WDFY3: variants seen among roughly 807,000 people sequenced by gnomAD.
WDFY3 encodes the protein WD repeat and FYVE domain-containing protein 3.
Under a neutral mutation model 409.6 loss-of-function variants are expected in WDFY3, and 66 were observed. That is an observed-to-expected ratio of 0.16 (90% confidence interval 0.13 to 0.20). The LOEUF is 0.20. Among genes scored for constraint, WDFY3 ranks in the 10% least tolerant of loss-of-function variants. The pLI, the probability that WDFY3 is intolerant of heterozygous loss-of-function variation, is 1.00. For synonymous variants in WDFY3, 1,521 were observed against 1,537.1 expected, an observed-to-expected ratio of 0.99 and a Z score of 0.25; for missense variants, 3,031 against 4,298.1, an observed-to-expected ratio of 0.71 and a Z score of 8.24.
At chr4:84,784,005 C>T (rs1747036605) in intron 24 of WDFY3, among the ~76,000 whole-genome samples, 1 of 152,168 alleles carries the variant, frequency 6.6e-6, no homozygotes, top group Non-Finnish European at 1.5e-5. Flanking sequence ...GTCAAGCTCA[C>T]TGATGAGTTC....
intron 62 of WDFY3, among the ~76,000 whole-genome samples, chr4:84,687,438 C>A (rs747974873): frequency 1.3e-5 from 2 of 152,120 alleles, no homozygotes; most frequent in Non-Finnish European, 2.9e-5. Flanking sequence ...CCACCATGCC[C>A]GGCCAATTTC....
intron 61 of WDFY3, 107 bp from the exon 62 acceptor site, chr4:84,688,372 G>T: frequency 9.1e-7 from 1 of 1,104,934 alleles, no homozygotes; most frequent in Non-Finnish European, 1.3e-6. Context: ...ACGCATGCTA[G>T]GTAGTAGGTG....
intron 35 of WDFY3, among the ~76,000 whole-genome samples, chr4:84,753,243 GAAGA>G (rs1289079322): frequency 6.6e-6 from 1 of 152,136 alleles, no homozygotes; most frequent in East Asian, 1.9e-4. Flanking sequence ...AAGTCAGGCG[GAAGA>G]AAGGACCAAC....
chr4:84,931,553 G>C (rs934699484), intron 2 of WDFY3, among the ~76,000 whole-genome samples: 1 of 152,104 alleles, frequency 6.6e-6, no homozygotes, highest in African/African-American at 2.4e-5. Flanking sequence ...AGAGCCTGCG[G>C]GAAATCTGAT....
intron 32 of WDFY3, among the ~76,000 whole-genome samples, chr4:84,759,203 G>A (rs1330337263): frequency 6.6e-6 from 1 of 152,182 alleles, no homozygotes; most frequent in East Asian, 1.9e-4. Flanking sequence ...TTTGGTTACT[G>A]TAGCCTTGCA....
chr4:84,781,201 A>G (rs1281314687), intron 25 of WDFY3, among the ~76,000 whole-genome samples: 4 of 150,642 alleles, frequency 2.7e-5, no homozygotes, highest in Admixed American at 2.6e-4. Context: ...ATAGAAACAC[A>G]GTCCTGGAAC....
At chr4:84,769,689 T>C (rs1744304374) in intron 30 of WDFY3, among the ~76,000 whole-genome samples, 1 of 152,182 alleles carries the variant, frequency 6.6e-6, no homozygotes, top group South Asian at 2.1e-4. Context: ...CCCAAAGTGC[T>C]GGGATTACAG....
In WDFY3 at chr4:84,787,698, T is replaced by C; in HGVS notation, c.3685A>G (p.Ser1229Gly). The C allele has an allele frequency of 1.2e-6, 2 of 1,611,810 alleles. No individual in the cohort carries two copies. The highest frequency in any genetic ancestry group is 2.2e-5 in the South Asian group (2 of 91,024). Residue 1229 changes from serine (S) to glycine (G), a missense_variant, in exon 23 of 68, where the codon AGT becomes GGT. Transcript: ENST00000295888. The stretch of plus-strand genomic sequence containing the variant: ...GCCGAACCTGAACCCCCTGGAGTAC[T>C]GTGGACATAATGAAGCTGTAAGGAA... ...VNTVKLHYVH[S>G]TPGGSGSANP...
chr4:84,862,677 C>A (rs1473619552), intron 3 of WDFY3, among the ~76,000 whole-genome samples: 1 of 152,084 alleles, frequency 6.6e-6, no homozygotes, highest in Non-Finnish European at 1.5e-5. Flanking sequence ...TCATGATACT[C>A]CAACACTTCA....
rs180968445 is a variant in WDFY3 at position 84,698,958 on chromosome 4, A to G, written c.8597-2135T>C. 3.1e-3 allele frequency among the ~76,000 whole-genome samples: 465 copies of G among 152,154 alleles called. 3 individuals are homozygous for G. The highest frequency in any genetic ancestry group is 0.011 in the African/African-American group (446 of 41,514). On this transcript the variant is annotated intron_variant, in intron 56 of 67. Transcript: ENST00000295888. ...CCACCTCAGCTTCCCAAAGTCCTGGAACTACAGGCGTGAGCCACTGCGACC... is the reference window on the plus strand; with the variant it reads ...CCACCTCAGCTTCCCAAAGTCCTGGGACTACAGGCGTGAGCCACTGCGACC...
At chr4:84,829,272 T>A in intron 8 of WDFY3, 82 bp from the exon 9 acceptor site, 1 of 1,149,776 alleles carries the variant, frequency 8.7e-7, no homozygotes, top group Non-Finnish European at 1.2e-6. Flanking sequence ...TGTTGTTTAA[T>A]GAAACATTAA....
intron 36 of WDFY3, 75 bp from the exon 37 acceptor site, chr4:84,743,874 C>T: frequency 1.0e-6 from 1 of 962,536 alleles, no homozygotes; most frequent in Non-Finnish European, 1.4e-6. Flanking sequence ...TTTACATTAC[C>T]TAATATATTA....
intron 3 of WDFY3, among the ~76,000 whole-genome samples, chr4:84,864,212 C>CA (rs1350823878): frequency 1.3e-5 from 2 of 151,576 alleles, no homozygotes; most frequent in Non-Finnish European, 2.9e-5. Flanking sequence ...ACTAAAAATA[C>CA]AAAAAATTAG....
Position 84,808,204 on chromosome 4 carries a change from T to C in WDFY3, c.2429+130A>G, listed in dbSNP as rs552615614. On this transcript the variant is annotated intron_variant, in intron 15 of 67. Transcript: ENST00000295888. Reference sequence around the variant, plus strand: ...AAAACACCCCCCAAAACCCCAAAAGTAAAAACAAAACAAAACAAAACAAAA... The same window carrying C: ...AAAACACCCCCCAAAACCCCAAAAGCAAAAACAAAACAAAACAAAACAAAA... 5 of 777,358 alleles carry C rather than the reference T, an allele frequency of 6.4e-6. No homozygotes were observed. In the South Asian group the frequency reaches 8.9e-5, roughly 14 times the overall value. The allele number at this position is 777,358 out of a possible 1,614,324, so 48.2% of individuals were successfully genotyped here.
chr4:84,816,852 C>CA (rs1190652796), intron 13 of WDFY3, among the ~76,000 whole-genome samples: 2 of 151,998 alleles, frequency 1.3e-5, no homozygotes, highest in Non-Finnish European at 2.9e-5. Context: ...CTTAAGTGAA[C>CA]AAAATCCATG....
chr4:84,833,814 C>T (rs989520229), intron 7 of WDFY3, among the ~76,000 whole-genome samples: 9 of 152,090 alleles, frequency 5.9e-5, no homozygotes, highest in Non-Finnish European at 1.3e-4. Flanking sequence ...CTTCCTTTTC[C>T]TATTTCCCTC....
At chr4:84,740,063 C>T in intron 39 of WDFY3, 124 bp downstream of exon 39, 1 of 978,040 alleles carries the variant, frequency 1.0e-6, no homozygotes, top group Non-Finnish European at 1.5e-6. Flanking sequence ...TACCTTTTTA[C>T]ATAAAGGTTT....
chr4:84,810,305 T>C lies in WDFY3; in HGVS notation c.1927A>G (p.Thr643Ala), dbSNP rs1035352204. 1 of 1,612,604 alleles carries C rather than the reference T, an allele frequency of 6.2e-7. No individual in the cohort carries two copies. The highest frequency in any genetic ancestry group is 1.7e-5 in the Admixed American group (1 of 59,854). Residue 643 changes from threonine (T) to alanine (A), a missense_variant, in exon 14 of 68, where the codon ACA becomes GCA. Physicochemically the swap from Thr to Ala is moderately conservative, Grantham distance 58. Around this residue, in one of 16 missense-constraint regions of WDFY3, gnomAD observed 1,322 missense variants for 1,697.9 expected, o/e 0.78. Coordinates refer to ENST00000295888, the MANE Select transcript of WDFY3 (RefSeq NM_014991.6). ...AATCCTCCAACTTTCCTAAAAACTG[T>C]TCTTGAACGATGGCTTTCTCGAAGG... ...SVLRESHRSRTVFRKVGGFVY... is the reference protein window; with the variant it reads ...SVLRESHRSRAVFRKVGGFVY...
chr4:84,696,137 C>T lies in WDFY3; in HGVS notation c.8734G>A (p.Asp2912Asn), dbSNP rs1195412935. The T allele has an allele frequency of 1.4e-5, 23 of 1,614,096 alleles. No individual in the cohort carries two copies. The highest frequency in any genetic ancestry group is 1.9e-5 in the Non-Finnish European group (23 of 1,180,022). The change falls in exon 58 of 68, where the codon GAC becomes AAC. Residue 2912 changes from aspartate (D) to asparagine (N), a missense_variant. Physicochemically the swap from Asp to Asn is conservative, Grantham distance 23. Coordinates refer to ENST00000295888, the MANE Select transcript of WDFY3 (RefSeq NM_014991.6). ...YVSAHLHEWI[D>N]LIFGYKQQGP... ...TGCTGTTTATAACCGAAGATTAAGT[C>T]AATCCACTCATGTAGATGGGCACTC...
Sources: allele counts gnomAD v4.1 joint callset (sites outside exome capture counted in the v4.1 genomes callset), GRCh38; gene constraint gnomAD v4.1.1; regional missense constraint gnomAD v4.1.1; transcripts MANE v1.5; gene names NCBI Gene and HGNC (gene_info 2026-07-23, HGNC 2026-07-21).